Variants in GRIA1 observed in about 807,000 individuals in gnomAD.
GRIA1 encodes glutamate ionotropic receptor AMPA type subunit 1.
In GRIA1, 31 loss-of-function variants were observed where a neutral mutation model predicts 99.2. The ratio of observed to expected loss-of-function variants is 0.31; its 90% CI spans 0.23 to 0.42. The LOEUF (loss-of-function observed/expected upper bound fraction) is 0.42, where lower values mean the gene tolerates loss of function less well. Among genes scored for constraint, GRIA1 ranks in the 10% least tolerant of loss-of-function variants. The pLI, the probability that GRIA1 is intolerant of heterozygous loss-of-function variation, is 1.00. For synonymous variants in GRIA1, 438 were observed against 432.4 expected (o/e 1.01, Z -0.16); for missense variants, 782 against 1,157.5 (o/e 0.68, Z 4.71).
At chr5:153,670,531 G>A (rs1756084070) in intron 5 of GRIA1, among the ~76,000 whole-genome samples, 1 of 152,060 alleles carries the variant, frequency 6.6e-6, no homozygotes, top group Non-Finnish European at 1.5e-5. Flanking sequence ...GGCTCAAAGA[G>A]AGTAGTAATC....
intron 13 of GRIA1, among the ~76,000 whole-genome samples, chr5:153,793,209 T>G (rs1223141329): frequency 1.3e-5 from 2 of 152,224 alleles, no homozygotes; most frequent in African/African-American, 4.8e-5. Context: ...ATGTTTGCTC[T>G]GTCAACTGTC....
At chr5:153,556,378 T>C (rs1317136027) in intron 2 of GRIA1, among the ~76,000 whole-genome samples, 1 of 152,170 alleles carries the variant, frequency 6.6e-6, no homozygotes, top group Non-Finnish European at 1.5e-5. Context: ...TAGCTCCCAG[T>C]CCAGTGCTCC....
At chr5:153,644,101 A>G (rs1478456938) in intron 2 of GRIA1, among the ~76,000 whole-genome samples, 1 of 152,188 alleles carries the variant, frequency 6.6e-6, no homozygotes, top group Non-Finnish European at 1.5e-5. Context: ...ATAATATTTT[A>G]ATGAGGTTTA....
intron 2 of GRIA1, among the ~76,000 whole-genome samples, chr5:153,513,784 C>T (rs1272616049): frequency 1.3e-5 from 2 of 152,062 alleles, no homozygotes; most frequent in Non-Finnish European, 2.9e-5. Flanking sequence ...ATTTCCTCAG[C>T]CACTTTACAC....
chr5:153,509,829 C>A (rs1040772666), intron 2 of GRIA1, among the ~76,000 whole-genome samples: 1 of 152,138 alleles, frequency 6.6e-6, no homozygotes, highest in African/African-American at 2.4e-5. Context: ...TAAATGAGAG[C>A]TATTATTGTT....
chr5:153,510,156 T>A (rs983977170), intron 2 of GRIA1, among the ~76,000 whole-genome samples: 3 of 152,150 alleles, frequency 2.0e-5, no homozygotes, highest in Admixed American at 6.5e-5. Context: ...TTAAATCTGG[T>A]CCTGCACTTA....
chr5:153,489,860 G>A, upstream of GRIA1: 1 of 456,518 alleles, frequency 2.2e-6, no homozygotes, highest in Middle Eastern at 3.3e-4. Context: ...AGTCTTTATT[G>A]TACACCCACA....
At chr5:153,592,952 C>CTAA (rs1764099925) in intron 2 of GRIA1, among the ~76,000 whole-genome samples, 1 of 152,132 alleles carries the variant, frequency 6.6e-6, no homozygotes, top group African/African-American at 2.4e-5. Flanking sequence ...CATGGGGCTC[C>CTAA]ACCCTCGTGA....
At chr5:153,513,227 G>A (rs1431851436) in intron 2 of GRIA1, among the ~76,000 whole-genome samples, 1 of 152,098 alleles carries the variant, frequency 6.6e-6, no homozygotes, top group Admixed American at 6.5e-5. Context: ...AAGCAGAAGG[G>A]CAGAAAGGAG....
rs116256599 is a variant in GRIA1, at chr5:153,813,173, A to C, written c.*1948A>C. The C allele has an allele frequency of 2.0e-4, 31 of 152,272 alleles. No homozygotes were observed. Among genetic ancestry groups the C allele is most frequent in the African/African-American group, 7.5e-4 (31 of 41,548 alleles). 9.4% of individuals were successfully genotyped at this position (152,272 alleles called of 1,614,324 possible). A position where few individuals can be genotyped will look rare whatever the true frequency, so the allele number is the denominator to read the frequency against. On this transcript the variant is annotated 3_prime_UTR_variant, in exon 16 of 16. Coordinates refer to ENST00000285900, the MANE Select transcript of GRIA1 (RefSeq NM_000827.4). ...GTGTCAATGTGGTCATGGTTCATGA[A>C]ACCGGACCCTCAAGATGGATGATTG...
chr5:153,556,816 G>A (rs1581225305), intron 2 of GRIA1, among the ~76,000 whole-genome samples: 1 of 152,134 alleles, frequency 6.6e-6, no homozygotes, highest in Admixed American at 6.5e-5. Context: ...ATTAACAATT[G>A]GAATACATTC....
chr5:153,711,129 C>T (rs187319171), intron 11 of GRIA1, among the ~76,000 whole-genome samples: 7 of 152,190 alleles, frequency 4.6e-5, no homozygotes, highest in East Asian at 3.9e-4. Flanking sequence ...CAGAGGCCTG[C>T]GCAGGGCCCT....
chr5:153,576,977 GAT>G (rs1368269095), intron 2 of GRIA1, among the ~76,000 whole-genome samples: 5 of 132,332 alleles, frequency 3.8e-5, no homozygotes, highest in South Asian at 2.9e-4. Flanking sequence ...TGGATGGATG[GAT>G]GGATGGGTGA....
chr5:153,551,704 T>G (rs751679210), intron 2 of GRIA1, among the ~76,000 whole-genome samples: 3 of 152,194 alleles, frequency 2.0e-5, no homozygotes, highest in Non-Finnish European at 4.4e-5. Context: ...CTCATGAAGA[T>G]TACAGCCAAT....
At chr5:153,769,316 G>A (rs188897765) in intron 12 of GRIA1, among the ~76,000 whole-genome samples, 1 of 152,276 alleles carries the variant, frequency 6.6e-6, no homozygotes, top group African/African-American at 2.4e-5. Flanking sequence ...TAGATTTAGA[G>A]CTAGGGAATA....
rs958638261 is a variant in GRIA1 at position 153,813,284 on chromosome 5, G to A, written c.*2059G>A. On this transcript the variant is annotated 3_prime_UTR_variant, in exon 16 of 16. Transcript: ENST00000285900. Reference sequence around the variant, plus strand: ...CCTTCAGCCTACCACTGCAGAATCCGATGTGACCCACCATTAGGGAGTCTG... The same window carrying A: ...CCTTCAGCCTACCACTGCAGAATCCAATGTGACCCACCATTAGGGAGTCTG... 5 of 152,208 alleles carry A rather than the reference G, an allele frequency of 3.3e-5. No homozygotes were observed. Among genetic ancestry groups the A allele is most frequent in the African/African-American group, 9.7e-5 (4 of 41,442 alleles). The allele number at this position is 152,208 out of a possible 1,614,324, so 9.4% of individuals were successfully genotyped here. A position where few individuals can be genotyped will look rare whatever the true frequency, so the allele number is the denominator to read the frequency against.
intron 2 of GRIA1, among the ~76,000 whole-genome samples, chr5:153,612,601 G>C (rs1766090435): frequency 6.6e-6 from 1 of 152,216 alleles, no homozygotes; most frequent in African/African-American, 2.4e-5. Context: ...CTCAAATCAG[G>C]CATATGCAAA....
At chr5:153,751,883 G>C (rs1762532881) in intron 11 of GRIA1, among the ~76,000 whole-genome samples, 2 of 152,124 alleles carry the variant, frequency 1.3e-5, no homozygotes, top group African/African-American at 4.8e-5. Context: ...CTTACTCCCA[G>C]ACCATGTCCG....
chr5:153,700,372 C>T (rs1469371414), intron 10 of GRIA1, among the ~76,000 whole-genome samples: 4 of 151,940 alleles, frequency 2.6e-5, no homozygotes, highest in Admixed American at 6.6e-5. Flanking sequence ...GAGACAAGAG[C>T]GAAACTCTGT....
Sources: allele counts gnomAD v4.1 joint callset (sites outside exome capture counted in the v4.1 genomes callset), GRCh38; gene constraint gnomAD v4.1.1; transcripts MANE v1.5; gene names NCBI Gene and HGNC (gene_info 2026-07-23, HGNC 2026-07-21).